SPATA16: variants seen among roughly 807,000 people sequenced by gnomAD.
SPATA16 encodes spermatogenesis associated 16.
In SPATA16, 36 loss-of-function variants were observed where a neutral mutation model predicts 63.3. The ratio of observed to expected loss-of-function variants is 0.57; its 90% CI spans 0.44 to 0.75. The LOEUF (loss-of-function observed/expected upper bound fraction) is 0.75, where lower values mean the gene tolerates loss of function less well. Ranked by LOEUF, SPATA16 falls within the 30% of genes least tolerant of loss-of-function variation. The pLI, the probability that SPATA16 is intolerant of heterozygous loss-of-function variation, is 0.00. For synonymous variants in SPATA16, 203 were observed against 216.7 expected, an observed-to-expected ratio of 0.94 and a Z score of 0.56; for missense variants, 646 against 679.3, an observed-to-expected ratio of 0.95 and a Z score of 0.54.
chr3:172,926,715 G>A (rs940886856), intron 6 of SPATA16, among the ~76,000 whole-genome samples: 1 of 152,174 alleles, frequency 6.6e-6, no homozygotes, highest in Non-Finnish European at 1.5e-5. Context: ...ACATACCCAA[G>A]ATCACGAATT....
At chr3:173,093,040 AACACACAC>A (rs57114377) in intron 2 of SPATA16, among the ~76,000 whole-genome samples, 13,123 of 142,566 alleles carry the variant, frequency 0.092, 730 homozygotes, top group East Asian at 0.24. Context: ...ATGCACCTAA[AACACACAC>A]ACACACACAC....
chr3:172,914,797 A>G lies in SPATA16; in HGVS notation c.1504-1053T>C, dbSNP rs201679355. Among the ~76,000 whole-genome samples the G allele has an allele frequency of 4.6e-5, 7 of 152,246 alleles. No homozygotes were observed. In the East Asian group the frequency reaches 1.2e-3, roughly 25 times the overall value. ...AATTTCATTTTATAGGGTTTCAAAT[A>G]GAGAAAAATTACACTTTAGAAAGGA... is the stretch of plus-strand genomic sequence containing the variant. On this transcript the variant is annotated intron_variant, in intron 9 of 10. Coordinates refer to ENST00000351008, the MANE Select transcript of SPATA16 (RefSeq NM_031955.6).
At chr3:173,122,158 C>T (rs572506996) in intron 1 of SPATA16, among the ~76,000 whole-genome samples, 2 of 151,636 alleles carry the variant, frequency 1.3e-5, no homozygotes, top group African/African-American at 2.4e-5. Flanking sequence ...TATTGACAGG[C>T]AACATTGGAA....
At chr3:173,005,851 G>A (rs1354305284) in intron 4 of SPATA16, among the ~76,000 whole-genome samples, 2 of 152,142 alleles carry the variant, frequency 1.3e-5, no homozygotes, top group East Asian at 3.9e-4. Context: ...TGTTCAAAAG[G>A]CCATCTTTTC....
intron 4 of SPATA16, among the ~76,000 whole-genome samples, chr3:173,009,662 T>C (rs1467403096): frequency 6.6e-6 from 1 of 152,358 alleles, no homozygotes; most frequent in South Asian, 2.1e-4. Context: ...GCACCTCTGC[T>C]GCTGCTCGCC....
chr3:173,037,943 T>C, intron 3 of SPATA16, among the ~76,000 whole-genome samples: 1 of 152,108 alleles, frequency 6.6e-6, no homozygotes, highest in Non-Finnish European at 1.5e-5. Context: ...AGAATATGTA[T>C]GGAATATCCT....
intron 2 of SPATA16, among the ~76,000 whole-genome samples, chr3:173,088,483 T>G (rs67299572): frequency 0.24 from 35,813 of 151,394 alleles, 4,804 homozygotes; most frequent in African/African-American, 0.36. Context: ...ACATATTTTA[T>G]ATGGAATTTT....
intron 4 of SPATA16, among the ~76,000 whole-genome samples, chr3:172,978,201 T>C (rs1734214345): frequency 6.6e-6 from 1 of 151,812 alleles, no homozygotes; most frequent in Non-Finnish European, 1.5e-5. Context: ...GGAAAGAAGC[T>C]GCCCACTGAC....
At chr3:173,078,729 G>A (rs558136058) in intron 2 of SPATA16, among the ~76,000 whole-genome samples, 4 of 152,278 alleles carry the variant, frequency 2.6e-5, no homozygotes, top group African/African-American at 4.8e-5. Flanking sequence ...ATCAGAACAA[G>A]CCAGATGAAT....
chr3:173,136,745 C>A (rs1192043392), intron 1 of SPATA16, among the ~76,000 whole-genome samples: 1 of 152,144 alleles, frequency 6.6e-6, no homozygotes, highest in Non-Finnish European at 1.5e-5. Context: ...ATAGGGTGAC[C>A]TAATGACCAG....
intron 4 of SPATA16, among the ~76,000 whole-genome samples, chr3:173,009,348 G>A (rs1278873342): frequency 6.6e-6 from 1 of 152,316 alleles, no homozygotes. Context: ...AGGAATTGCC[G>A]TGTCGTGGGG....
chr3:173,080,064 A>C (rs1235021532), intron 2 of SPATA16, among the ~76,000 whole-genome samples: 6 of 152,208 alleles, frequency 3.9e-5, no homozygotes, highest in Non-Finnish European at 8.8e-5. Context: ...TCTCTGGATC[A>C]TGGAATTATT....
At chr3:172,953,782 A>C (rs927595390) in intron 6 of SPATA16, among the ~76,000 whole-genome samples, 17 of 152,196 alleles carry the variant, frequency 1.1e-4, no homozygotes, top group Non-Finnish European at 2.1e-4. Context: ...AAGCTAAACC[A>C]AACCACAGGG....
chr3:172,983,476 G>A (rs988073022), intron 4 of SPATA16, among the ~76,000 whole-genome samples: 4 of 151,934 alleles, frequency 2.6e-5, no homozygotes, highest in Admixed American at 2.6e-4. Context: ...TTTCATGTAT[G>A]TAATTGTATA....
Position 172,913,753 on chromosome 3 carries a change from C to G in SPATA16, c.1504-9G>C. 4 of 1,612,026 alleles carry G rather than the reference C, an allele frequency of 2.5e-6. No individual in the cohort carries two copies. The highest frequency in any genetic ancestry group is 3.4e-6 in the Non-Finnish European group (4 of 1,178,516). Reference sequence around the variant, plus strand: ...GCCATTAGTGACTGCAGCTGTGGCACCAAGATAAAAATTATCAGTGTGGAA... The same window carrying G: ...GCCATTAGTGACTGCAGCTGTGGCAGCAAGATAAAAATTATCAGTGTGGAA... On this transcript the variant is annotated splice_polypyrimidine_tract_variant and intron_variant, in intron 9 of 10. Transcript: ENST00000351008.
At chr3:172,949,377 A>G (rs1733373108) in intron 6 of SPATA16, among the ~76,000 whole-genome samples, 3 of 152,186 alleles carry the variant, frequency 2.0e-5, no homozygotes, top group Admixed American at 2.0e-4. Context: ...AGGAGAAATA[A>G]ATAGGATTTG....
intron 4 of SPATA16, among the ~76,000 whole-genome samples, chr3:173,016,223 T>A (rs914602363): frequency 6.6e-6 from 1 of 152,234 alleles, no homozygotes; most frequent in Admixed American, 6.5e-5. Flanking sequence ...CACTTTCTTC[T>A]GGTAGAATGT....
intron 6 of SPATA16, among the ~76,000 whole-genome samples, chr3:172,943,758 A>G (rs999744281): frequency 6.6e-6 from 1 of 152,144 alleles, no homozygotes; most frequent in African/African-American, 2.4e-5. Context: ...AAACAGAAAG[A>G]AAATTATCAA....
At position 173,035,238 on chromosome 3, in the gene SPATA16, A is replaced by G. The variant is rs141220157; in HGVS notation, c.758+13711T>C. ...CAACACATCAAAACTTGAAACAGTT[A>G]AACTGTGCGATGCTTGCAAGGGAGA... On this transcript the variant is annotated intron_variant, in intron 3 of 10. Transcript: ENST00000351008. Among the ~76,000 whole-genome samples the G allele has an allele frequency of 9.2e-5, 14 of 152,316 alleles. No individual in the cohort carries two copies. The East Asian group carries it at 2.7e-3, about 29-fold the overall frequency.
Sources: gnomAD v4.1 joint callset for allele counts (sites outside exome capture counted in the v4.1 genomes callset) on GRCh38, gnomAD v4.1.1 for gene constraint, MANE v1.5 for transcripts, NCBI Gene and HGNC (gene_info 2026-07-23, HGNC 2026-07-21) for gene names.